SERPINA9: variants seen among roughly 807,000 people sequenced by gnomAD.
The protein encoded by SERPINA9 is serpin family A member 9.
In SERPINA9, 32 loss-of-function variants were observed where a neutral mutation model predicts 24.5. The ratio of observed to expected loss-of-function variants is 1.30; its 90% CI spans 0.98 to 1.75. The LOEUF (loss-of-function observed/expected upper bound fraction) is 1.75. SERPINA9 is among the 40% of genes most tolerant of loss of function. The pLI is 0.00. For missense variants in SERPINA9, 594 were observed against 497.1 expected (o/e 1.19, Z -1.85); for synonymous variants, 233 against 197.7 (o/e 1.18, Z -1.50).
intron 4 of SERPINA9, among the ~76,000 whole-genome samples, chr14:94,463,907 G>A (rs1049819173): frequency 3.3e-5 from 5 of 152,142 alleles, no homozygotes; most frequent in Non-Finnish European, 7.3e-5. Flanking sequence ...ATATTCCAGT[G>A]GGGCCTCTCA....
At chr14:94,474,705 C>A (rs1899497282) in intron 1 of SERPINA9, among the ~76,000 whole-genome samples, 1 of 152,158 alleles carries the variant, frequency 6.6e-6, no homozygotes, top group Admixed American at 6.5e-5. Context: ...AGCGTTCGGC[C>A]AGGGGGCACT....
At chr14:94,474,836 A>C (rs1487859585) in intron 1 of SERPINA9, among the ~76,000 whole-genome samples, 1 of 151,688 alleles carries the variant, frequency 6.6e-6, no homozygotes, top group African/African-American at 2.4e-5. Context: ...TCCCATCTCC[A>C]AGCGCTCCTC....
Position 94,463,062 on chromosome 14 carries a change from A to G in SERPINA9, c.*31T>C. The G allele has an allele frequency of 6.5e-7, 1 of 1,530,206 alleles. No individual in the cohort carries two copies. The highest frequency in any genetic ancestry group is 9.1e-7 in the Non-Finnish European group (1 of 1,103,274). 94.8% of individuals were successfully genotyped at this position (1,530,206 alleles called of 1,614,324 possible). ...GTTTGTTATTTCTTGTGCATTAGCA[A>G]TGTGCCATCAGTTAACAGGCCATTT... On this transcript the variant is annotated 3_prime_UTR_variant, in exon 5 of 5. Coordinates refer to ENST00000674397, the MANE Select transcript of SERPINA9 (RefSeq NM_175739.4).
At chr14:94,469,165 T>A (rs1310914620) in intron 2 of SERPINA9, 48 bp downstream of exon 2, 2 of 1,535,400 alleles carry the variant, frequency 1.3e-6, no homozygotes, top group Admixed American at 1.9e-5. Context: ...AAAATCATCA[T>A]CATCATCATA....
intron 1 of SERPINA9, among the ~76,000 whole-genome samples, chr14:94,475,352 T>C (rs1899541845): frequency 6.6e-6 from 1 of 152,106 alleles, no homozygotes; most frequent in African/African-American, 2.4e-5. Flanking sequence ...CTTAACCTTT[T>C]TATTCCAGGG....
At chr14:94,474,648 C>T (rs1460093648) in intron 1 of SERPINA9, among the ~76,000 whole-genome samples, 3 of 152,212 alleles carry the variant, frequency 2.0e-5, no homozygotes, top group Non-Finnish European at 4.4e-5. Context: ...TCTCCCAGCC[C>T]TGCCAAGGCC....
intron 2 of SERPINA9, among the ~76,000 whole-genome samples, chr14:94,468,277 C>A (rs532900516): frequency 6.6e-6 from 1 of 151,744 alleles, no homozygotes; most frequent in Non-Finnish European, 1.5e-5. Flanking sequence ...TAGATGAATA[C>A]GTTAATGGAT....
At chr14:94,465,031 T>C (rs1016492385) in intron 3 of SERPINA9, among the ~76,000 whole-genome samples, 177 bp from the exon 4 acceptor site, 5 of 152,190 alleles carry the variant, frequency 3.3e-5, no homozygotes, top group African/African-American at 1.2e-4. Flanking sequence ...GCCTCCCAGC[T>C]GAGCAGGTCC....
intron 1 of SERPINA9, among the ~76,000 whole-genome samples, chr14:94,475,143 C>T (rs1011847353): frequency 6.6e-6 from 1 of 152,114 alleles, no homozygotes; most frequent in Admixed American, 6.5e-5. Flanking sequence ...TCTTCATGTC[C>T]CAGCCCTGTG....
chr14:94,468,973 A>C (rs1380845367), intron 2 of SERPINA9, among the ~76,000 whole-genome samples: 1 of 152,134 alleles, frequency 6.6e-6, no homozygotes, highest in Non-Finnish European at 1.5e-5. Flanking sequence ...AAATGTAAAC[A>C]CACCTCAAGA....
rs541994876 is a variant in SERPINA9 at position 94,475,061 on chromosome 14, G to A, written c.-18+1075C>T. 7.2e-5 allele frequency among the ~76,000 whole-genome samples: 11 copies of A among 152,076 alleles called. 1 individual carries two copies. The highest frequency in any genetic ancestry group is 2.2e-4 in the African/African-American group (9 of 41,480). ...CAATTCCACCCCATCCCCTATCTTC[G>A]TTTGCCTCTTTATCCAGCTTGGGTG... On this transcript the variant is annotated intron_variant, in intron 1 of 4. Transcript: ENST00000674397.
At chr14:94,472,887 T>C (rs897659581) in intron 1 of SERPINA9, among the ~76,000 whole-genome samples, 1 of 152,066 alleles carries the variant, frequency 6.6e-6, no homozygotes, top group Non-Finnish European at 1.5e-5. Flanking sequence ...CCAGGCAGCT[T>C]TGAGGAACAG....
intron 1 of SERPINA9, 94 bp downstream of exon 1, chr14:94,476,042 G>C (rs1234984157): frequency 6.3e-7 from 1 of 1,577,764 alleles, no homozygotes; most frequent in Non-Finnish European, 8.7e-7. Context: ...CTTCCCAGCT[G>C]CATTTGACAC....
rs145631876 is a variant in SERPINA9 at position 94,463,340 on chromosome 14, T to A, written c.1051-44A>T. 4.2e-3 allele frequency: 6,545 copies of A among 1,558,900 alleles called. 39 individuals are homozygous for A. Among genetic ancestry groups the A allele is most frequent in the South Asian group, 0.01 (901 of 89,812 alleles). On this transcript the variant is annotated intron_variant, in intron 4 of 4. Transcript: ENST00000674397. The stretch of plus-strand genomic sequence containing the variant: ...ACATCAGTGGCCCTAGTGGAGACAC[T>A]TTTACTTAACTGAGTAAACTAAACT...
chr14:94,465,321 ATG>A (rs1401805594), intron 3 of SERPINA9, among the ~76,000 whole-genome samples: 2 of 152,246 alleles, frequency 1.3e-5, no homozygotes. Flanking sequence ...GCCATTAGCC[ATG>A]TGTGGCTACT....
At chr14:94,469,041 T>C (rs1802497923) in intron 2 of SERPINA9, among the ~76,000 whole-genome samples, 172 bp downstream of exon 2, 1 of 152,234 alleles carries the variant, frequency 6.6e-6, no homozygotes, top group African/African-American at 2.4e-5. Context: ...CTGGTAAACA[T>C]GAGCTATCCT....
rs1449035762 is a variant in SERPINA9, at chr14:94,467,461, T to G, written c.629-79A>C. On this transcript the variant is annotated intron_variant, in intron 2 of 4. Coordinates refer to ENST00000674397, the MANE Select transcript of SERPINA9 (RefSeq NM_175739.4). ...AAGACAGCAAACTGAAATGGGGAAT[T>G]ACTTCTAGTGGGTATGAGGTTTCTT... The G allele has an allele frequency of 6.0e-6, 8 of 1,324,088 alleles. No individual in the cohort carries two copies. The East Asian group carries it at 1.4e-4, about 23-fold the overall frequency. The allele number at this position is 1,324,088 out of a possible 1,614,324, so 82.0% of individuals were successfully genotyped here.
chr14:94,471,375 C>T (rs1213720506), intron 1 of SERPINA9, among the ~76,000 whole-genome samples: 2 of 152,172 alleles, frequency 1.3e-5, no homozygotes, highest in Non-Finnish European at 2.9e-5. Context: ...AATATTGCCA[C>T]ACATAGTCAC....
In SERPINA9 at chr14:94,462,925, G is replaced by A. The variant is rs1196867322; in HGVS notation, c.*168C>T. Reference sequence around the variant, plus strand: ...CTGGGGTTAATGGGTGTTGGCTTGTGACTGGGGTCCCTGTTGATGGTTTGG... The same window carrying A: ...CTGGGGTTAATGGGTGTTGGCTTGTAACTGGGGTCCCTGTTGATGGTTTGG... On this transcript the variant is annotated 3_prime_UTR_variant, in exon 5 of 5. Transcript: ENST00000674397. 1.6e-6 allele frequency: 1 copy of A among 623,974 alleles called. No individual in the cohort carries two copies. Among genetic ancestry groups the A allele is most frequent in the Non-Finnish European group, 2.9e-6 (1 of 348,858 alleles). The allele number at this position is 623,974 out of a possible 1,614,324, so 38.7% of individuals were successfully genotyped here. A position where few individuals can be genotyped will look rare whatever the true frequency, so the allele number is the denominator to read the frequency against.
Sources: allele counts gnomAD v4.1 joint callset (sites outside exome capture counted in the v4.1 genomes callset), GRCh38; gene constraint gnomAD v4.1.1; transcripts MANE v1.5; gene names NCBI Gene and HGNC (gene_info 2026-07-23, HGNC 2026-07-21).